The following SETX variants were observed in gnomAD, a reference collection of about 807,000 sequenced individuals.
SETX encodes helicase senataxin.
A neutral mutation model predicts 227.2 loss-of-function variants in SETX; 90 were observed. The observed-to-expected ratio is 0.40, with a 90% CI of 0.33 to 0.47. The LOEUF (loss-of-function observed/expected upper bound fraction) is 0.47. Ranked by LOEUF, SETX falls within the 20% of genes least tolerant of loss-of-function variation. SETX has a pLI of 0.91. For synonymous variants in SETX, 1,210 were observed against 1,113.2 expected (o/e 1.09, Z -1.73); for missense variants, 3,052 against 3,181.5 (o/e 0.96, Z 0.98).
chr9:132,293,303 TG>T (rs1292050748), intron 15 of SETX, among the ~76,000 whole-genome samples: 1 of 152,120 alleles, frequency 6.6e-6, no homozygotes. Context: ...TTATACTTAA[TG>T]GAGAGACGTT....
Position 132,282,153 on chromosome 9 carries a change from C to T in SETX, c.6547-579G>A, listed in dbSNP as rs115683562. ...AGTCAGCCACCAACGGGGCCACTAC[C>T]ACTTGGGAACCAGCCGTAAGTTCAG... On this transcript the variant is annotated intron_variant, in intron 19 of 25. Coordinates refer to ENST00000224140, the MANE Select transcript of SETX (RefSeq NM_015046.7). Among the ~76,000 whole-genome samples, 215 of 150,216 alleles carry T rather than the reference C, an allele frequency of 1.4e-3. 1 individual carries two copies. The highest frequency in any genetic ancestry group is 4.6e-3 in the African/African-American group (185 of 40,656).
intron 10 of SETX, among the ~76,000 whole-genome samples, chr9:132,316,313 G>A (rs1475106956): frequency 6.6e-6 from 1 of 152,054 alleles, no homozygotes; most frequent in Non-Finnish European, 1.5e-5. Context: ...GTTTTTTGCT[G>A]TCGATTTACA....
chr9:132,314,564 A>G (rs1470309841), intron 10 of SETX, among the ~76,000 whole-genome samples: 1 of 152,100 alleles, frequency 6.6e-6, no homozygotes, highest in African/African-American at 2.4e-5. Context: ...TAATGTAACA[A>G]TCTCATAAAG....
At chr9:132,269,054 C>T (rs1004046231) in intron 25 of SETX, among the ~76,000 whole-genome samples, 2 of 152,236 alleles carry the variant, frequency 1.3e-5, no homozygotes, top group African/African-American at 2.4e-5. Flanking sequence ...ACAGCAAATA[C>T]GTGCTACATC....
At chr9:132,355,549 G>A (rs1268097603), upstream of SETX, among the ~76,000 whole-genome samples, 6 of 152,248 alleles carry the variant, frequency 3.9e-5, no homozygotes, top group Admixed American at 3.9e-4. Context: ...ACACAGCAGA[G>A]TAAATCCCTC....
At chr9:132,316,750 A>G (rs1469612873) in intron 10 of SETX, among the ~76,000 whole-genome samples, 1 of 152,194 alleles carries the variant, frequency 6.6e-6, no homozygotes, top group South Asian at 2.1e-4. Flanking sequence ...GTTCCTTCTT[A>G]GGAGCCAAAG....
chr9:132,317,256 G>GT (rs967737652), intron 10 of SETX, among the ~76,000 whole-genome samples: 1 of 151,880 alleles, frequency 6.6e-6, no homozygotes, highest in African/African-American at 2.4e-5. Context: ...GGGACACTAC[G>GT]TATTTTTTTG....
At chr9:132,286,284 C>G (rs1478137647) in intron 18 of SETX, 139 bp downstream of exon 18, 24 of 657,678 alleles carry the variant, frequency 3.6e-5, no homozygotes, top group South Asian at 2.6e-4. Context: ...CATGCCACTG[C>G]ACCCCAGCCT....
intron 11 of SETX, among the ~76,000 whole-genome samples, chr9:132,302,520 C>T (rs1222800775): frequency 6.6e-6 from 1 of 151,230 alleles, no homozygotes; most frequent in African/African-American, 2.4e-5. Flanking sequence ...ATTAGCCAGG[C>T]GTCGTGGCAG....
rs376022544 is a variant in SETX at position 132,328,848 on chromosome 9, A to G, written c.2750T>C (p.Met917Thr). The G allele has an allele frequency of 5.5e-5, 89 of 1,613,880 alleles. No homozygotes were observed. The highest frequency in any genetic ancestry group is 1.6e-4 in the Middle Eastern group (1 of 6,084). ...CTCATCTCTTGATTCAGGTACAGTC[A>G]TAAGATCTTTAAAGGGAGATGATTT... ...EKKSSPFKDLMTVPESRDEEM... is the reference protein window; with the variant it reads ...EKKSSPFKDLTTVPESRDEEM... The change falls in exon 10 of 26, where the codon ATG becomes ACG. Residue 917 changes from methionine (M) to threonine (T), a missense_variant. By Grantham distance (81) the Met-to-Thr change is moderately conservative (BLOSUM62 -1). This residue lies in a region of SETX where 1,483 missense variants were observed against 1,312.0 expected (regional missense o/e 1.13). Transcript: ENST00000224140.
chr9:132,315,251 C>T (rs1395954513), intron 10 of SETX, among the ~76,000 whole-genome samples: 1 of 152,128 alleles, frequency 6.6e-6, no homozygotes, highest in Non-Finnish European at 1.5e-5. Context: ...AGCTGTTTCA[C>T]TGGGGAAAAG....
chr9:132,348,026 TAAAAAAAG>T (rs772561189), intron 3 of SETX, among the ~76,000 whole-genome samples: 14 of 149,466 alleles, frequency 9.4e-5, no homozygotes, highest in Non-Finnish European at 1.8e-4. Context: ...ATTTGCCCAT[TAAAAAAAG>T]AAAAAAAGAA....
intron 2 of SETX, among the ~76,000 whole-genome samples, chr9:132,351,262 A>G (rs1564168459): frequency 6.6e-6 from 1 of 152,194 alleles, no homozygotes; most frequent in Non-Finnish European, 1.5e-5. Context: ...TGATTTCAGC[A>G]GCTAACAGAC....
intron 12 of SETX, among the ~76,000 whole-genome samples, chr9:132,299,597 A>G (rs1844867382): frequency 6.6e-6 from 1 of 152,238 alleles, no homozygotes; most frequent in Non-Finnish European, 1.5e-5. Context: ...GAATAATGAA[A>G]TAATGTTCTT....
intron 15 of SETX, among the ~76,000 whole-genome samples, chr9:132,295,401 G>A (rs983526678): frequency 2.0e-5 from 3 of 152,070 alleles, no homozygotes; most frequent in Admixed American, 6.5e-5. Flanking sequence ...ATCTTTCACC[G>A]CCACCTAATG....
intron 10 of SETX, among the ~76,000 whole-genome samples, chr9:132,313,841 A>G (rs1333370970): frequency 2.0e-5 from 3 of 151,642 alleles, no homozygotes; most frequent in Admixed American, 6.6e-5. Flanking sequence ...AAAAAAAACA[A>G]TAAAAAGAAA....
chr9:132,275,795 A>G (rs1843130582), intron 22 of SETX, among the ~76,000 whole-genome samples: 1 of 152,232 alleles, frequency 6.6e-6, no homozygotes, highest in Non-Finnish European at 1.5e-5. Flanking sequence ...GATAGCTAAC[A>G]TGAATTAAGG....
intron 13 of SETX, among the ~76,000 whole-genome samples, chr9:132,297,435 G>A (rs1844737030): frequency 6.6e-6 from 1 of 151,990 alleles, no homozygotes; most frequent in Non-Finnish European, 1.5e-5. Flanking sequence ...AACATCCCAA[G>A]ACTATTTATT....
chr9:132,337,863 T>TA (rs1225807022), intron 5 of SETX, among the ~76,000 whole-genome samples: 1 of 152,138 alleles, frequency 6.6e-6, no homozygotes, highest in African/African-American at 2.4e-5. Flanking sequence ...TACATGGTCT[T>TA]AAAGTATCTA....
Sources: gnomAD v4.1 joint callset for allele counts (sites outside exome capture counted in the v4.1 genomes callset) on GRCh38, gnomAD v4.1.1 for gene constraint, gnomAD v4.1.1 regional missense constraint, MANE v1.5 for transcripts, NCBI Gene and HGNC (gene_info 2026-07-23, HGNC 2026-07-21) for gene names.